THADA: variants seen among roughly 807,000 people sequenced by gnomAD.
THADA encodes THADA armadillo repeat containing, also known as tRNA (32-2'-O)-methyltransferase regulator THADA.
A neutral mutation model predicts 219.8 loss-of-function variants in THADA; 213 were observed. The ratio of observed to expected loss-of-function variants is 0.97; its 90% CI spans 0.87 to 1.09. The LOEUF is 1.09. Among genes scored for constraint, THADA ranks in the 50% least tolerant of loss-of-function variants. THADA has a pLI of 0.00. For synonymous variants in THADA, 1,018 were observed against 828.9 expected (o/e 1.23, Z -3.92); for missense variants, 2,956 against 2,311.3 (o/e 1.28, Z -5.72).
intron 31 of THADA, among the ~76,000 whole-genome samples, chr2:43,310,610 C>T (rs1216733994): frequency 1.3e-5 from 2 of 152,182 alleles, no homozygotes; most frequent in Non-Finnish European, 2.9e-5. Context: ...GGATCATAAA[C>T]TTATGAACTA....
chr2:43,269,583 C>T lies in THADA; in HGVS notation c.5296+10182G>A, dbSNP rs1430806970. Among the ~76,000 whole-genome samples, 5 of 152,330 alleles carry T rather than the reference C, an allele frequency of 3.3e-5. No homozygotes were observed. In the East Asian group the frequency reaches 5.8e-4, roughly 18 times the overall value. On this transcript the variant is annotated intron_variant, in intron 36 of 37. Coordinates refer to ENST00000405975, the MANE Select transcript of THADA (RefSeq NM_022065.5). Reference sequence around the variant, plus strand: ...CTCTGGAACAGCAACTGATGGCACACGCAACTTGGAATGCGGCAACCGGAG... The same window carrying T: ...CTCTGGAACAGCAACTGATGGCACATGCAACTTGGAATGCGGCAACCGGAG...
At chr2:43,493,420 G>A (rs1281245970) in intron 25 of THADA, among the ~76,000 whole-genome samples, 5 of 152,078 alleles carry the variant, frequency 3.3e-5, no homozygotes, top group African/African-American at 1.2e-4. Context: ...GCTTGAACCC[G>A]GGAGGCAGAG....
chr2:43,585,120 A>G (rs1342535764), intron 7 of THADA, among the ~76,000 whole-genome samples: 13 of 152,122 alleles, frequency 8.5e-5, no homozygotes, highest in African/African-American at 3.1e-4. Context: ...TTACCCCAAG[A>G]AAGAGCTCAG....
chr2:43,492,968 G>A (rs1687826651), intron 25 of THADA, among the ~76,000 whole-genome samples: 1 of 152,206 alleles, frequency 6.6e-6, no homozygotes, highest in Non-Finnish European at 1.5e-5. Context: ...ACGCGGCACA[G>A]TGAATAGAGC....
At chr2:43,277,246 C>T (rs895383060) in intron 36 of THADA, 6 of 152,570 alleles carry the variant, frequency 3.9e-5, no homozygotes, top group Admixed American at 6.5e-5. Context: ...GAGATCGGGC[C>T]TTGGCACTGA....
Position 43,279,905 on chromosome 2 carries a change from A to C in THADA, c.5165-9T>G. The C allele has an allele frequency of 6.6e-7, 1 of 1,507,152 alleles. No homozygotes were observed. Among genetic ancestry groups the C allele is most frequent in the Non-Finnish European group, 8.8e-7 (1 of 1,134,060 alleles). 93.4% of individuals were successfully genotyped at this position (1,507,152 alleles called of 1,614,324 possible). ...AAGTGTATCCTGCAACTCTAAGAAG[A>C]CCAAAAGGAATCTGAATTACCTAGA... On this transcript the variant is annotated splice_polypyrimidine_tract_variant and intron_variant, in intron 35 of 37. Coordinates refer to ENST00000405975, the MANE Select transcript of THADA (RefSeq NM_022065.5).
At chr2:43,299,924 AGGCT>A (rs748812199) in intron 31 of THADA, among the ~76,000 whole-genome samples, 6 of 149,926 alleles carry the variant, frequency 4.0e-5, no homozygotes, top group Non-Finnish European at 7.4e-5. Flanking sequence ...GCTACTCCGG[AGGCT>A]GAAGCAGGAG....
At chr2:43,509,550 A>C (rs1163535819) in intron 22 of THADA, among the ~76,000 whole-genome samples, 1 of 152,226 alleles carries the variant, frequency 6.6e-6, no homozygotes, top group Non-Finnish European at 1.5e-5. Context: ...GTCCAAAGGA[A>C]AAACACTCTT....
intron 29 of THADA, among the ~76,000 whole-genome samples, chr2:43,346,010 C>T (rs959054302): frequency 1.3e-5 from 2 of 152,004 alleles, no homozygotes; most frequent in African/African-American, 4.8e-5. Flanking sequence ...ACAAACCAGA[C>T]AATTGTGACC....
intron 31 of THADA, among the ~76,000 whole-genome samples, chr2:43,312,384 T>G (rs1173901501): frequency 6.6e-6 from 1 of 152,034 alleles, no homozygotes; most frequent in East Asian, 1.9e-4. Context: ...GGACGGTGAA[T>G]AAGGAGTCAG....
intron 30 of THADA, among the ~76,000 whole-genome samples, chr2:43,335,421 C>T (rs899038257): frequency 6.6e-6 from 1 of 152,168 alleles, no homozygotes; most frequent in African/African-American, 2.4e-5. Flanking sequence ...GGCTGTAGTA[C>T]TCCACATGTA....
chr2:43,259,957 C>T (rs1397616697), intron 36 of THADA, among the ~76,000 whole-genome samples: 1 of 152,194 alleles, frequency 6.6e-6, no homozygotes, highest in Non-Finnish European at 1.5e-5. Context: ...ATGCCTGTTC[C>T]TTCACAGCTC....
At chr2:43,463,993 T>C (rs539846411) in intron 26 of THADA, among the ~76,000 whole-genome samples, 2 of 152,206 alleles carry the variant, frequency 1.3e-5, no homozygotes, top group Non-Finnish European at 2.9e-5. Flanking sequence ...CATTCTACTA[T>C]GTAAGATCAT....
At chr2:43,516,911 G>A (rs77791126) in intron 22 of THADA, among the ~76,000 whole-genome samples, 17,498 of 152,124 alleles carry the variant, frequency 0.12, 1,155 homozygotes, top group African/African-American at 0.18. Context: ...CAAAGGGCAC[G>A]TGATTTACAA....
intron 36 of THADA, among the ~76,000 whole-genome samples, chr2:43,275,421 G>A (rs1218970394): frequency 6.6e-6 from 1 of 152,168 alleles, no homozygotes; most frequent in Non-Finnish European, 1.5e-5. Context: ...CCAGTGCCAG[G>A]AAAAGCAAGA....
rs534593881 is a variant in THADA, at chr2:43,451,926, G to T, written c.3837-21624C>A. On this transcript the variant is annotated intron_variant, in intron 26 of 37. Transcript: ENST00000405975. ...GTTCAAGACCCGCCTGGCCAACGTGGTGAAACCCTGTCTCTACTAAAAATA... is the reference window on the plus strand; with the variant it reads ...GTTCAAGACCCGCCTGGCCAACGTGTTGAAACCCTGTCTCTACTAAAAATA... 5.3e-5 allele frequency among the ~76,000 whole-genome samples: 8 copies of T among 152,196 alleles called. 1 individual carries two copies. Among genetic ancestry groups the T allele is most frequent in the South Asian group, 4.2e-4 (2 of 4,812 alleles).
intron 36 of THADA, among the ~76,000 whole-genome samples, chr2:43,240,973 C>T (rs1264135502): frequency 1.3e-5 from 2 of 152,204 alleles, no homozygotes; most frequent in South Asian, 4.1e-4. Context: ...TCTCTGCCCT[C>T]GTCCCTGTCT....
chr2:43,536,620 G>C (rs1038115023), intron 21 of THADA, among the ~76,000 whole-genome samples: 1 of 151,820 alleles, frequency 6.6e-6, no homozygotes. Context: ...ATTTCCACAG[G>C]GGAAGAAGCT....
intron 26 of THADA, among the ~76,000 whole-genome samples, chr2:43,457,708 G>A (rs933082323): frequency 2.0e-5 from 3 of 152,158 alleles, no homozygotes; most frequent in South Asian, 2.1e-4. Context: ...ATAGGGAACC[G>A]CCCACAAATA....
Sources: gnomAD v4.1 joint callset for allele counts (sites outside exome capture counted in the v4.1 genomes callset) on GRCh38, gnomAD v4.1.1 for gene constraint, MANE v1.5 for transcripts, NCBI Gene and HGNC (gene_info 2026-07-23, HGNC 2026-07-21) for gene names.